Variants in PTPRG observed in about 807,000 individuals in gnomAD.
PTPRG encodes protein tyrosine phosphatase receptor type G.
Under a neutral mutation model 165.3 loss-of-function variants are expected in PTPRG, and 102 were observed. The ratio of observed to expected loss-of-function variants is 0.62; its 90% confidence interval spans 0.53 to 0.73. PTPRG has a LOEUF of 0.73. Ranked by LOEUF, PTPRG falls within the 30% of genes least tolerant of loss-of-function variation. The pLI, the probability that PTPRG is intolerant of heterozygous loss-of-function variation, is 0.00. For synonymous variants in PTPRG, 675 were observed against 669.5 expected (o/e 1.01, Z -0.13); for missense variants, 1,866 against 1,861.4 (o/e 1.00, Z -0.05).
At chr3:62,286,911 C>G (rs1045127127) in intron 28 of PTPRG, among the ~76,000 whole-genome samples, 3 of 152,076 alleles carry the variant, frequency 2.0e-5, no homozygotes, top group Non-Finnish European at 4.4e-5. Context: ...TTTGTCTTTG[C>G]TCTGTCATTA....
chr3:61,937,088 G>A (rs930203558), intron 2 of PTPRG, among the ~76,000 whole-genome samples: 9 of 152,246 alleles, frequency 5.9e-5, no homozygotes, highest in Admixed American at 3.9e-4. Context: ...GTAGTGCACC[G>A]TTGCCCTGTC....
chr3:62,173,969 C>G (rs1336755373), intron 8 of PTPRG, among the ~76,000 whole-genome samples: 1 of 152,098 alleles, frequency 6.6e-6, no homozygotes, highest in East Asian at 1.9e-4. Flanking sequence ...TGGATGTCAT[C>G]CATAAAAAAT....
chr3:62,123,790 CA>C (rs1380668012), intron 5 of PTPRG, among the ~76,000 whole-genome samples: 1 of 151,892 alleles, frequency 6.6e-6, no homozygotes, highest in Non-Finnish European at 1.5e-5. Flanking sequence ...AGGCTTGTGT[CA>C]AAAAGGTAAT....
intron 2 of PTPRG, among the ~76,000 whole-genome samples, chr3:61,820,603 G>GTTTTTTTTTTTTTTT (rs11329820): frequency 1.7e-4 from 11 of 65,732 alleles, no homozygotes; most frequent in African/African-American, 3.3e-4. Context: ...CTGTGTCTCT[G>GTTTTTTTTTTTTTTT]TTTTTTTTTT....
At chr3:62,108,800 G>A (rs1702564104) in intron 5 of PTPRG, among the ~76,000 whole-genome samples, 1 of 152,168 alleles carries the variant, frequency 6.6e-6, no homozygotes, top group African/African-American at 2.4e-5. Flanking sequence ...GACCAGTGAT[G>A]ATGAGCTTTT....
intron 2 of PTPRG, among the ~76,000 whole-genome samples, chr3:61,911,694 A>T (rs888065898): frequency 2.0e-5 from 3 of 152,154 alleles, no homozygotes; most frequent in Admixed American, 6.6e-5. Flanking sequence ...TTTATAATGA[A>T]ATGTAATATT....
rs1371380259 is a variant in PTPRG at position 61,767,239 on chromosome 3, T to TGAAAAAAAAAAAAAAAAAAAA, written c.190+18257_190+18258insGAAAAAAAAAAAAAAAAAAAA. ...AGCCTTGTGACAGCAAGATTCCATCTCAAAAAAAAAAAAAAAAAGAAAGTA... is the reference window on the plus strand; with the variant it reads ...AGCCTTGTGACAGCAAGATTCCATCTGAAAAAAAAAAAAAAAAAAAACAAAAAAAAAAAAAAAAAGAAAGTA... On this transcript the variant is annotated intron_variant, in intron 2 of 29. Coordinates refer to ENST00000474889, the MANE Select transcript of PTPRG (RefSeq NM_002841.4). Among the ~76,000 whole-genome samples the TGAAAAAAAAAAAAAAAAAAAA allele has an allele frequency of 4.1e-5, 3 of 73,098 alleles. 1 individual carries two copies. The highest frequency in any genetic ancestry group is 1.0e-3 in the East Asian group (2 of 1,976). The allele number at this position is 73,098 out of a possible 152,430, so 48.0% of individuals were successfully genotyped here.
intron 5 of PTPRG, among the ~76,000 whole-genome samples, chr3:62,080,057 G>T (rs1033203531): frequency 1.4e-5 from 2 of 141,878 alleles, no homozygotes; most frequent in East Asian, 2.1e-4. Flanking sequence ...GGACCCCTTC[G>T]GTTCATTTTT....
intron 5 of PTPRG, among the ~76,000 whole-genome samples, chr3:62,128,788 ATATTTAAAAGC>A (rs1425454913): frequency 2.0e-5 from 3 of 150,422 alleles, no homozygotes; most frequent in Non-Finnish European, 2.9e-5. Flanking sequence ...CACTGTTGTC[ATATTTAAAAGC>A]TGCCAAAATT....
chr3:62,257,394 G>A lies in PTPRG; in HGVS notation c.2559+2179G>A, dbSNP rs577900905. ...AACAAAATTGTATTATGGTAAGAGA[G>A]TTAAGGTAATCTTAGTCTCAGATTT... On this transcript the variant is annotated intron_variant, in intron 16 of 29. Coordinates refer to ENST00000474889, the MANE Select transcript of PTPRG (RefSeq NM_002841.4). Among the ~76,000 whole-genome samples, 6 of 152,322 alleles carry A rather than the reference G, an allele frequency of 3.9e-5. No individual in the cohort carries two copies. The South Asian group carries it at 1.2e-3, about 32-fold the overall frequency.
At chr3:61,647,344 C>T (rs1702225926) in intron 1 of PTPRG, among the ~76,000 whole-genome samples, 1 of 152,146 alleles carries the variant, frequency 6.6e-6, no homozygotes, top group African/African-American at 2.4e-5. Context: ...ATACTAAGCA[C>T]CATACACATA....
intron 1 of PTPRG, among the ~76,000 whole-genome samples, chr3:61,607,034 A>G (rs766766487): frequency 5.3e-5 from 8 of 152,212 alleles, no homozygotes; most frequent in Non-Finnish European, 1.0e-4. Flanking sequence ...CTTCAGCCTC[A>G]GGGAATAGCA....
intron 1 of PTPRG, among the ~76,000 whole-genome samples, chr3:61,688,471 C>T (rs1180583375): frequency 6.6e-6 from 1 of 152,150 alleles, no homozygotes; most frequent in Non-Finnish European, 1.5e-5. Context: ...GACTCAGAGG[C>T]CACCAGCTGT....
At chr3:61,867,404 G>A (rs1170240570) in intron 2 of PTPRG, among the ~76,000 whole-genome samples, 1 of 152,166 alleles carries the variant, frequency 6.6e-6, no homozygotes, top group Non-Finnish European at 1.5e-5. Flanking sequence ...TGTGTGTGTA[G>A]CTGAAGTTGA....
rs148248819 is a variant in PTPRG, at chr3:61,924,969, A to T, written c.191-64656A>T. Among the ~76,000 whole-genome samples, 12 of 152,332 alleles carry T rather than the reference A, an allele frequency of 7.9e-5. No individual in the cohort carries two copies. The East Asian group carries it at 2.3e-3, about 29-fold the overall frequency. ...TGTCTAAAGAGTCAGAAGAGAGATG[A>T]TATCTGCAAGCCAGGAAGGTTATAT... On this transcript the variant is annotated intron_variant, in intron 2 of 29. Transcript: ENST00000474889.
chr3:62,257,799 A>T (rs534706403), intron 16 of PTPRG, among the ~76,000 whole-genome samples: 32 of 152,086 alleles, frequency 2.1e-4, no homozygotes, highest in East Asian at 7.7e-4. Context: ...TACAAAAAAA[A>T]TTTTTTTTAA....
At chr3:61,975,861 A>T (rs1335662604) in intron 2 of PTPRG, among the ~76,000 whole-genome samples, 1 of 152,190 alleles carries the variant, frequency 6.6e-6, no homozygotes, top group Non-Finnish European at 1.5e-5. Flanking sequence ...AAAAACAAGA[A>T]AGCCGGCCAT....
chr3:62,155,587 C>T (rs183952464), intron 6 of PTPRG, among the ~76,000 whole-genome samples: 9 of 152,292 alleles, frequency 5.9e-5, no homozygotes, highest in Admixed American at 5.9e-4. Context: ...GTGTTTGCAA[C>T]CTGTAAATAC....
At position 61,575,459 on chromosome 3, in the gene PTPRG, A is replaced by G. The variant is rs373266771; in HGVS notation, c.85+13087A>G. The stretch of plus-strand genomic sequence containing the variant: ...GTGAATCCTAGCTTTGTCCTTTGCT[A>G]ACTTTGGCCAGTTACTTAACTTTAT... On this transcript the variant is annotated intron_variant, in intron 1 of 29. Coordinates refer to ENST00000474889, the MANE Select transcript of PTPRG (RefSeq NM_002841.4). 5.0e-4 allele frequency among the ~76,000 whole-genome samples: 76 copies of G among 152,264 alleles called. 3 individuals are homozygous for G. The South Asian group carries it at 0.014, about 28-fold the overall frequency.
Sources: gnomAD v4.1 joint callset for allele counts (sites outside exome capture counted in the v4.1 genomes callset) on GRCh38, gnomAD v4.1.1 for gene constraint, MANE v1.5 for transcripts, NCBI Gene and HGNC (gene_info 2026-07-23, HGNC 2026-07-21) for gene names.